Variants in TNFRSF13B observed in about 807,000 individuals in gnomAD.
The protein encoded by TNFRSF13B is TNF receptor superfamily member 13B.
TNFRSF13B carries 34 observed loss-of-function variants against 24.0 expected under a neutral mutation model. That is an observed-to-expected ratio of 1.41 (90% CI 1.08 to 1.88). TNFRSF13B has a LOEUF of 1.88. TNFRSF13B is among the 40% of genes most tolerant of loss of function. The pLI is 0.00. For synonymous variants in TNFRSF13B, 173 were observed against 150.3 expected (o/e 1.15, Z -1.10); for missense variants, 415 against 380.8 (o/e 1.09, Z -0.75).
rs532932940 is a variant in TNFRSF13B, at chr17:16,967,322, CAAAAAT to C, written c.61+4687_61+4692del. On this transcript the variant is annotated intron_variant, in intron 1 of 4. Coordinates refer to ENST00000261652, the MANE Select transcript of TNFRSF13B (RefSeq NM_012452.3). The stretch of plus-strand genomic sequence containing the variant: ...ACAGCAAGGCATATTAACTAAAAAA[CAAAAAT>C]AAAAACAAAACAAGGTATATAACGG... 5.7e-4 allele frequency among the ~76,000 whole-genome samples: 86 copies of C among 152,016 alleles called. 3 individuals carry two copies. The South Asian group carries it at 0.016, about 28-fold the overall frequency.
chr17:16,944,806 T>C (rs1385723236), intron 3 of TNFRSF13B, among the ~76,000 whole-genome samples: 1 of 152,098 alleles, frequency 6.6e-6, no homozygotes. Flanking sequence ...AGGTGGGACC[T>C]GGCAGGGCTG....
chr17:16,960,230 A>AG (rs908971100), intron 1 of TNFRSF13B, among the ~76,000 whole-genome samples: 4 of 152,200 alleles, frequency 2.6e-5, no homozygotes, highest in African/African-American at 9.6e-5. Flanking sequence ...ACACTTGAGA[A>AG]GCTAGGAATA....
Position 16,948,963 on chromosome 17 carries a change from C to T in TNFRSF13B, c.220G>A (p.Glu74Lys), listed in dbSNP as rs764542734. The T allele has an allele frequency of 3.7e-6, 6 of 1,613,998 alleles. No individual in the cohort carries two copies. The East Asian group carries it at 8.9e-5, about 24-fold the overall frequency. ...AGATGGTCATAGAACTTGCCTTGCT[C>T]CTTGCGGCAGCTGAGTGACCCTGGG... ...AFCRSLSCRK[E>K]QGKFYDHLLR... is the part of the protein sequence containing the mutation. Residue 74 changes from glutamate to lysine, a missense_variant, in exon 3 of 5, where the codon GAG becomes AAG. Glu to Lys is a moderately conservative substitution (Grantham distance 56). Coordinates refer to ENST00000261652, the MANE Select transcript of TNFRSF13B (RefSeq NM_012452.3).
Position 16,948,889 on chromosome 17 carries a change from C to G in TNFRSF13B, c.294G>C (p.Lys98Asn). The G allele has an allele frequency of 6.2e-7, 1 of 1,614,194 alleles. No individual in the cohort carries two copies. Among genetic ancestry groups the G allele is most frequent in the East Asian group, 2.2e-5 (1 of 44,890 alleles). The part of the protein sequence containing the change: ...SCASICGQHP[K>N]QCAYFCENKL... ...TGTTCTCACAGAAGTATGCACATTGCTTAGGGTGCTGTCCACAGATGGAGG... is the reference window on the plus strand; with the variant it reads ...TGTTCTCACAGAAGTATGCACATTGGTTAGGGTGCTGTCCACAGATGGAGG... Residue 98 changes from lysine (K) to asparagine (N), a missense_variant, in exon 3 of 5, where the codon AAG becomes AAC. Coordinates refer to ENST00000261652, the MANE Select transcript of TNFRSF13B (RefSeq NM_012452.3).
rs184122181 is a variant in TNFRSF13B, at chr17:16,967,709, G to A, written c.61+4306C>T. 7.0e-3 allele frequency among the ~76,000 whole-genome samples: 819 copies of A among 117,142 alleles called. 11 individuals carry two copies. Among genetic ancestry groups the A allele is most frequent in the African/African-American group, 0.026 (755 of 28,702 alleles). 76.8% of individuals were successfully genotyped at this position (117,142 alleles called of 152,430 possible). A position where few individuals can be genotyped will look rare whatever the true frequency, so the allele number is the denominator to read the frequency against. On this transcript the variant is annotated intron_variant, in intron 1 of 4. Coordinates refer to ENST00000261652, the MANE Select transcript of TNFRSF13B (RefSeq NM_012452.3). The stretch of plus-strand genomic sequence containing the variant: ...GGGGCTTGCAGTGAGTGGGGATCAC[G>A]CCACTGCACTCCAGCCTGGGCGACA...
At chr17:16,968,010 G>A (rs1439318107) in intron 1 of TNFRSF13B, among the ~76,000 whole-genome samples, 1 of 150,566 alleles carries the variant, frequency 6.6e-6, no homozygotes, top group Admixed American at 6.6e-5. Flanking sequence ...GTGTGGTGGC[G>A]GATGCCTGTA....
chr17:16,971,863 A>G, intron 1 of TNFRSF13B, 152 bp downstream of exon 1: 1 of 766,750 alleles, frequency 1.3e-6, no homozygotes, highest in East Asian at 2.7e-5. Flanking sequence ...GGGGCTCTCC[A>G]TGTGCAGGAG....
At chr17:16,947,481 A>G (rs2087557364) in intron 3 of TNFRSF13B, among the ~76,000 whole-genome samples, 1 of 152,228 alleles carries the variant, frequency 6.6e-6, no homozygotes. Context: ...ATAATCTATG[A>G]GGAAGTTAAA....
chr17:16,967,304 G>A (rs535114531), intron 1 of TNFRSF13B, among the ~76,000 whole-genome samples: 19 of 152,098 alleles, frequency 1.2e-4, no homozygotes, highest in African/African-American at 4.6e-4. Context: ...AGAACAGCAA[G>A]GCATATTAAC....
At position 16,939,383 on chromosome 17, in the gene TNFRSF13B, C is replaced by G; in HGVS notation, c.*164G>C. On this transcript the variant is annotated 3_prime_UTR_variant, in exon 5 of 5. Transcript: ENST00000261652. ...TCTCTGCCTCTCTTCCCCTCTGTCT[C>G]TCTCTCCCTCTGTCTCTCTCTCCCT... 4.9e-6 allele frequency: 4 copies of G among 817,430 alleles called. No individual in the cohort carries two copies. Among genetic ancestry groups the G allele is most frequent in the Non-Finnish European group, 7.2e-6 (4 of 553,464 alleles). 50.6% of individuals were successfully genotyped at this position (817,430 alleles called of 1,614,324 possible). A position where few individuals can be genotyped will look rare whatever the true frequency, so the allele number is the denominator to read the frequency against.
At chr17:16,952,714 G>A in intron 1 of TNFRSF13B, 131 bp from the exon 2 acceptor site, 3 of 1,422,044 alleles carry the variant, frequency 2.1e-6, no homozygotes, top group Non-Finnish European at 2.9e-6. Flanking sequence ...AGCAGAGAGG[G>A]CAGACAAAGT....
At chr17:16,956,844 C>A (rs1317369779) in intron 1 of TNFRSF13B, among the ~76,000 whole-genome samples, 1 of 151,924 alleles carries the variant, frequency 6.6e-6, no homozygotes, top group African/African-American at 2.4e-5. Context: ...TCAGTGATTC[C>A]CAGGGGTTGG....
chr17:16,963,716 A>AT (rs1048251835), intron 1 of TNFRSF13B, among the ~76,000 whole-genome samples: 2 of 151,862 alleles, frequency 1.3e-5, no homozygotes, highest in Admixed American at 6.6e-5. Flanking sequence ...CGCCTGGCTA[A>AT]TTTTTTTGTA....
At chr17:16,956,774 G>A (rs968121571) in intron 1 of TNFRSF13B, among the ~76,000 whole-genome samples, 9 of 152,198 alleles carry the variant, frequency 5.9e-5, no homozygotes, top group African/African-American at 1.9e-4. Flanking sequence ...AAAGTCTACT[G>A]TATGATTTCA....
chr17:16,945,411 G>A (rs1039265413), intron 3 of TNFRSF13B, among the ~76,000 whole-genome samples: 1 of 152,248 alleles, frequency 6.6e-6, no homozygotes, highest in African/African-American at 2.4e-5. Flanking sequence ...TTTTGCTGTT[G>A]CAGAGGGGAC....
chr17:16,966,241 G>A (rs1475663792), intron 1 of TNFRSF13B, among the ~76,000 whole-genome samples: 14 of 148,194 alleles, frequency 9.4e-5, no homozygotes, highest in African/African-American at 3.2e-4. Context: ...GCAACAGAGT[G>A]AGACTCCATC....
At chr17:16,970,085 G>A (rs532068282) in intron 1 of TNFRSF13B, among the ~76,000 whole-genome samples, 1 of 152,304 alleles carries the variant, frequency 6.6e-6, no homozygotes, top group Admixed American at 6.5e-5. Flanking sequence ...GACAGCAGAT[G>A]CCAAGCTGAC....
At chr17:16,940,199 G>A (rs2087499051) in intron 4 of TNFRSF13B, 127 bp downstream of exon 4, 1 of 1,590,808 alleles carries the variant, frequency 6.3e-7, no homozygotes, top group Non-Finnish European at 8.5e-7. Flanking sequence ...TCAAGGTATA[G>A]CAAGTAACAG....
At position 16,972,060 on chromosome 17, in the gene TNFRSF13B, G is replaced by A. The variant is rs768911609; in HGVS notation, c.16C>T (p.Arg6Trp). The change falls in exon 1 of 5, where the codon CGG becomes TGG. Residue 6 changes from arginine to tryptophan, a missense_variant. By Grantham distance (101) the Arg-to-Trp change is moderately radical. Transcript: ENST00000261652. MSGLG[R>W]SRRGGRSRVD... is the part of the protein sequence containing the mutation. ...CGGCTCCGGCCACCTCGCCTGCTCC[G>A]GCCCAGGCCACTCATTACTCAGGAT... 1.4e-5 allele frequency: 22 copies of A among 1,613,856 alleles called. 1 individual carries two copies. The South Asian group carries it at 1.4e-4, about 10-fold the overall frequency.
Sources: gnomAD v4.1 joint callset for allele counts (sites outside exome capture counted in the v4.1 genomes callset) on GRCh38, gnomAD v4.1.1 for gene constraint, MANE v1.5 for transcripts, NCBI Gene and HGNC (gene_info 2026-07-23, HGNC 2026-07-21) for gene names.